Variants in PALM2AKAP2 observed in about 807,000 individuals in gnomAD.
The protein encoded by PALM2AKAP2 is PALM2 and AKAP2 fusion.
Under a neutral mutation model 71.5 loss-of-function variants are expected in PALM2AKAP2, and 37 were observed. The ratio of observed to expected loss-of-function variants is 0.52; its 90% CI spans 0.40 to 0.68. The LOEUF is 0.68. Ranked by LOEUF, PALM2AKAP2 falls within the 30% of genes least tolerant of loss-of-function variation. The probability of loss-of-function intolerance (pLI) is 0.00; values close to 1 mark genes in which losing one functional copy is unlikely to be tolerated. For missense variants in PALM2AKAP2, 1,224 were observed against 1,191.8 expected, an observed-to-expected ratio of 1.03 and a Z score of -0.40; for synonymous variants, 468 against 478.8, an observed-to-expected ratio of 0.98 and a Z score of 0.29.
At chr9:109,886,493 C>A (rs190318556) in intron 3 of PALM2AKAP2, among the ~76,000 whole-genome samples, 1 of 152,282 alleles carries the variant, frequency 6.6e-6, no homozygotes, top group African/African-American at 2.4e-5. Flanking sequence ...ATCTCCCAAC[C>A]TTATCAGTTG....
At chr9:109,701,955 G>T (rs1413277575) in intron 1 of PALM2AKAP2, among the ~76,000 whole-genome samples, 1 of 152,182 alleles carries the variant, frequency 6.6e-6, no homozygotes, top group Non-Finnish European at 1.5e-5. Context: ...CTTCTCAAAA[G>T]AAGACATTTA....
At chr9:110,019,490 C>G (rs1164248482) in intron 7 of PALM2AKAP2, among the ~76,000 whole-genome samples, 1 of 152,146 alleles carries the variant, frequency 6.6e-6, no homozygotes, top group Non-Finnish European at 1.5e-5. Context: ...CAAAAAGACA[C>G]TCACACTCAT....
Position 110,161,334 on chromosome 9 carries a change from T to C in PALM2AKAP2, c.2748+4837T>C, listed in dbSNP as rs144763196. 3.1e-3 allele frequency among the ~76,000 whole-genome samples: 467 copies of C among 152,316 alleles called. 2 individuals carry two copies. Among genetic ancestry groups the C allele is most frequent in the African/African-American group, 0.011 (443 of 41,572 alleles). ...CCAAGCAGTGTAAATGTACGCTCATTACCATAATTCTGGAGAGGGATGTCC... is the reference window on the plus strand; with the variant it reads ...CCAAGCAGTGTAAATGTACGCTCATCACCATAATTCTGGAGAGGGATGTCC... On this transcript the variant is annotated intron_variant, in intron 3 of 3. Transcript: ENST00000374525.
intron 1 of PALM2AKAP2, among the ~76,000 whole-genome samples, chr9:109,839,034 A>G (rs939638129): frequency 6.6e-6 from 1 of 152,234 alleles, no homozygotes; most frequent in Non-Finnish European, 1.5e-5. Flanking sequence ...AACTCATTTT[A>G]TGAGGCCAGC....
intron 3 of PALM2AKAP2, among the ~76,000 whole-genome samples, chr9:109,913,427 A>T (rs1332637708): frequency 6.6e-6 from 1 of 152,208 alleles, no homozygotes; most frequent in African/African-American, 2.4e-5. Context: ...CAAGGAGTAG[A>T]AACTTCTCTG....
intron 1 of PALM2AKAP2, among the ~76,000 whole-genome samples, chr9:109,800,978 A>G (rs1220674302): frequency 6.6e-6 from 1 of 152,168 alleles, no homozygotes; most frequent in Admixed American, 6.5e-5. Context: ...AGCCTGAAGA[A>G]CTCAAGCTGT....
intron 6 of PALM2AKAP2, among the ~76,000 whole-genome samples, chr9:110,014,472 T>A (rs917199195): frequency 6.6e-6 from 1 of 151,894 alleles, no homozygotes; most frequent in Non-Finnish European, 1.5e-5. Flanking sequence ...CCTACGGTTT[T>A]TAAAAATATA....
At chr9:110,119,441 A>G (rs948492543) in intron 1 of PALM2AKAP2, among the ~76,000 whole-genome samples, 2 of 151,972 alleles carry the variant, frequency 1.3e-5, no homozygotes, top group African/African-American at 4.8e-5. Context: ...GCGGCATTGG[A>G]GATCCTTGTG....
At chr9:109,793,455 G>T (rs547137250) in intron 1 of PALM2AKAP2, among the ~76,000 whole-genome samples, 1 of 152,236 alleles carries the variant, frequency 6.6e-6, no homozygotes, top group Non-Finnish European at 1.5e-5. Context: ...GGTAGAAGAT[G>T]AGTCACACAG....
chr9:109,655,672 G>A (rs1002192208), intron 1 of PALM2AKAP2, among the ~76,000 whole-genome samples: 1 of 151,636 alleles, frequency 6.6e-6, no homozygotes, highest in African/African-American at 2.4e-5. Flanking sequence ...CCCCATATAT[G>A]TAGAATCAAA....
At chr9:109,848,636 T>C (rs1233252665) in intron 1 of PALM2AKAP2, among the ~76,000 whole-genome samples, 1 of 152,056 alleles carries the variant, frequency 6.6e-6, no homozygotes, top group Non-Finnish European at 1.5e-5. Flanking sequence ...CTATAGCTGC[T>C]TCTGTGTTAC....
chr9:110,088,716 T>G (rs972084740), intron 1 of PALM2AKAP2, among the ~76,000 whole-genome samples: 11 of 132,466 alleles, frequency 8.3e-5, no homozygotes, highest in East Asian at 4.6e-4. Flanking sequence ...TTTTTTTTTT[T>G]TTTTTTTTTT....
chr9:110,042,879 C>G (rs1460700663), intron 7 of PALM2AKAP2, among the ~76,000 whole-genome samples: 1 of 151,976 alleles, frequency 6.6e-6, no homozygotes, highest in African/African-American at 2.4e-5. Context: ...CATCACCTCC[C>G]CAGTATTTTT....
chr9:109,837,209 G>A (rs1828505983), intron 1 of PALM2AKAP2, among the ~76,000 whole-genome samples: 1 of 152,232 alleles, frequency 6.6e-6, no homozygotes, highest in Non-Finnish European at 1.5e-5. Flanking sequence ...CCAGAAGAGA[G>A]TGGGGGCCAA....
chr9:109,937,182 T>TC (rs1318764102), intron 6 of PALM2AKAP2, among the ~76,000 whole-genome samples: 2 of 152,104 alleles, frequency 1.3e-5, no homozygotes, highest in Non-Finnish European at 2.9e-5. Context: ...CATTCTCTGC[T>TC]CCTCAGACCC....
intron 6 of PALM2AKAP2, among the ~76,000 whole-genome samples, chr9:109,956,718 AAG>A (rs1831753459): frequency 6.6e-6 from 1 of 152,192 alleles, no homozygotes; most frequent in African/African-American, 2.4e-5. Flanking sequence ...CTCCTGTTAA[AAG>A]AAGGAAATAG....
At chr9:109,820,983 G>A (rs1053963708) in intron 1 of PALM2AKAP2, among the ~76,000 whole-genome samples, 2 of 152,132 alleles carry the variant, frequency 1.3e-5, no homozygotes, top group Admixed American at 6.5e-5. Flanking sequence ...ACCCAACTAC[G>A]CCCAGGAACT....
At chr9:109,699,919 G>C (rs544832448) in intron 1 of PALM2AKAP2, among the ~76,000 whole-genome samples, 1 of 152,050 alleles carries the variant, frequency 6.6e-6, no homozygotes, top group Non-Finnish European at 1.5e-5. Context: ...GGGACTACAG[G>C]CATGTGCCGC....
chr9:110,136,879 G>C (rs772074751), exon 2 of PALM2AKAP2: 7 of 1,614,204 alleles, frequency 4.3e-6, no homozygotes, highest in Non-Finnish European at 5.9e-6. Flanking sequence ...CTTCAGAGGA[G>C]ATGCTGGAGC....
Sources: gnomAD v4.1 joint callset for allele counts (sites outside exome capture counted in the v4.1 genomes callset) on GRCh38, gnomAD v4.1.1 for gene constraint, MANE v1.5 for transcripts, NCBI Gene and HGNC (gene_info 2026-07-23, HGNC 2026-07-21) for gene names.